The following ALAD variants were observed in gnomAD, a reference collection of about 807,000 sequenced individuals.
ALAD encodes the protein aminolevulinate dehydratase, also known as delta-aminolevulinic acid dehydratase.
ALAD carries 20 observed loss-of-function variants against 44.4 expected under a neutral mutation model. The observed-to-expected ratio is 0.45, with a 90% confidence interval of 0.32 to 0.65. ALAD has a LOEUF of 0.65. ALAD is among the 30% of genes least tolerant of loss of function. ALAD has a pLI of 0.05. For missense variants in ALAD, 323 were observed against 445.7 expected (o/e 0.72, Z 2.48); for synonymous variants, 156 against 167.9 (o/e 0.93, Z 0.55).
In ALAD at chr9:113,393,509, C is replaced by G. The variant is rs2118998994; in HGVS notation, c.51G>C (p.Arg17=). Residue 17 remains arginine, a synonymous_variant, in exon 2 of 12, where the codon CGG becomes CGC. Transcript: ENST00000409155. The part of the protein sequence containing the change: ...LHSGYFHPLL[R]AWQTATTTLN... ...GGGTGGTGGTGGCTGTCTGCCAGGCCCGAAGTAGTGGGTGGAAGTAGCCGC... is the reference window on the plus strand; with the variant it reads ...GGGTGGTGGTGGCTGTCTGCCAGGCGCGAAGTAGTGGGTGGAAGTAGCCGC... The G allele has an allele frequency of 1.2e-6, 2 of 1,613,996 alleles. No homozygotes were observed. Among genetic ancestry groups the G allele is most frequent in the Non-Finnish European group, 1.7e-6 (2 of 1,180,030 alleles).
chr9:113,400,927 CCCG>C (rs1827837309), intron 1 of ALAD, among the ~76,000 whole-genome samples: 1 of 152,230 alleles, frequency 6.6e-6, no homozygotes, highest in Non-Finnish European at 1.5e-5. Flanking sequence ...CCAACCACCA[CCCG>C]CACCTCGGGT....
Position 113,386,609 on chromosome 9 carries a change from T to C in ALAD, c.*1691A>G, listed in dbSNP as rs1827402178. Reference sequence around the variant, plus strand: ...CATTGTTAGACCTATAATTTTGCTGTTGATTATTGGGAGGTGGTATGGCAC... The same window carrying C: ...CATTGTTAGACCTATAATTTTGCTGCTGATTATTGGGAGGTGGTATGGCAC... On this transcript the variant is annotated 3_prime_UTR_variant, in exon 12 of 12. Coordinates refer to ENST00000409155, the MANE Select transcript of ALAD (RefSeq NM_000031.6). 1 of 152,144 alleles carries C rather than the reference T, an allele frequency of 6.6e-6. No homozygotes were observed. The highest frequency in any genetic ancestry group is 1.5e-5 in the Non-Finnish European group (1 of 68,016). The allele number at this position is 152,144 out of a possible 1,614,324, so 9.4% of individuals were successfully genotyped here.
chr9:113,389,154 G>A (rs541607831), intron 10 of ALAD, 48 bp from the exon 11 acceptor site: 4 of 1,611,292 alleles, frequency 2.5e-6, no homozygotes, highest in Non-Finnish European at 3.4e-6. Context: ...GGGTGGATGT[G>A]GCTCTGGAAG....
Position 113,393,486 on chromosome 9 carries a change from G to A in ALAD, c.74C>T (p.Thr25Ile). 6.2e-7 allele frequency: 1 copy of A among 1,612,878 alleles called. No individual in the cohort carries two copies. The highest frequency in any genetic ancestry group is 8.5e-7 in the Non-Finnish European group (1 of 1,179,192). Residue 25 changes from threonine to isoleucine, a missense_variant, in exon 2 of 12, where the codon ACC (threonine) becomes ATC (isoleucine). Transcript: ENST00000409155. ...GTAGATGAGGTTGGAGGCATTGAGG[G>A]TGGTGGTGGCTGTCTGCCAGGCCCG... Reference protein sequence around the residue: ...LLRAWQTATTTLNASNLIYPI... With the variant: ...LLRAWQTATTILNASNLIYPI...
chr9:113,388,424 TG>T, intron 11 of ALAD, 63 bp from the exon 12 acceptor site: 3 of 1,518,398 alleles, frequency 2.0e-6, no homozygotes, highest in Non-Finnish European at 2.7e-6. Context: ...GCACACCTTC[TG>T]CGATGGGAAG....
chr9:113,389,512 G>T lies in ALAD; in HGVS notation c.727C>A (p.Arg243=). ...ACCATGAGCATGTCAGCTCCTTCCCGTACATCCCGGTCCTAAGGGATGAGG... is the reference window on the plus strand; with the variant it reads ...ACCATGAGCATGTCAGCTCCTTCCCTTACATCCCGGTCCTAAGGGATGAGG... ...LALRAVDRDV[R]EGADMLMVKP... The change falls in exon 10 of 12, where the codon CGG becomes AGG. Residue 243 remains arginine (R), a synonymous_variant. Coordinates refer to ENST00000409155, the MANE Select transcript of ALAD (RefSeq NM_000031.6). 1 of 1,614,142 alleles carries T rather than the reference G, an allele frequency of 6.2e-7. No homozygotes were observed.
rs1381019233 is a variant in ALAD, at chr9:113,393,428, C to T, written c.113+19G>A. On this transcript the variant is annotated intron_variant, in intron 2 of 11. Coordinates refer to ENST00000409155, the MANE Select transcript of ALAD (RefSeq NM_000031.6). ...CCCAACCAGCAGAGCAGAGGCCTGG[C>T]CCATTCTTGGAGACTCACGTGACAA... The T allele has an allele frequency of 1.2e-5, 16 of 1,388,070 alleles. No homozygotes were observed. The highest frequency in any genetic ancestry group is 1.6e-5 in the Non-Finnish European group (16 of 987,388). 86.0% of individuals were successfully genotyped at this position (1,388,070 alleles called of 1,614,324 possible).
intron 1 of ALAD, among the ~76,000 whole-genome samples, chr9:113,400,233 G>A (rs1026662515): frequency 6.6e-6 from 1 of 152,160 alleles, no homozygotes; most frequent in Non-Finnish European, 1.5e-5. Flanking sequence ...GTGGGTCAGC[G>A]GCAGATCTGG....
chr9:113,389,153 T>G (rs1827496037), intron 10 of ALAD, 47 bp from the exon 11 acceptor site: 1 of 1,612,152 alleles, frequency 6.2e-7, no homozygotes, highest in East Asian at 2.2e-5. Flanking sequence ...AGGGTGGATG[T>G]GGCTCTGGAA....
chr9:113,390,888 C>T lies in ALAD; in HGVS notation c.307G>A (p.Glu103Lys). 6.2e-7 allele frequency: 1 copy of T among 1,614,148 alleles called. No individual in the cohort carries two copies. Among genetic ancestry groups the T allele is most frequent in the Non-Finnish European group, 8.5e-7 (1 of 1,180,022 alleles). ...AADSEESPAIEAIHLLRKTFP... is the reference protein window; with the variant it reads ...AADSEESPAIKAIHLLRKTFP... The stretch of plus-strand genomic sequence containing the variant: ...GTCTTCCTCAACAGATGGATTGCCT[C>T]AATAGCTGGGGACTCCTCGGAGTCA... The change falls in exon 5 of 12, where the codon GAG becomes AAG. Residue 103 changes from glutamate (E) to lysine (K), a missense_variant. Glu to Lys is a moderately conservative substitution (Grantham distance 56). Transcript: ENST00000409155.
chr9:113,389,039 T>C lies in ALAD; in HGVS notation c.869A>G (p.Gln290Arg), dbSNP rs1827489724. The change falls in exon 11 of 12, where the codon CAG becomes CGG. Residue 290 changes from glutamine (Q) to arginine (R), a missense_variant. By Grantham distance (43) the Gln-to-Arg change is conservative. Transcript: ENST00000409155. ...GEFAMLWHGA[Q>R]AGAFDLKAAV... ...AGCCTTGAGATCAAATGCCCCGGCC[T>C]GGGCTCCATGCCACAGCATGGCAAA... 6.2e-7 allele frequency: 1 copy of C among 1,613,906 alleles called. No individual in the cohort carries two copies. Among genetic ancestry groups the C allele is most frequent in the Non-Finnish European group, 8.5e-7 (1 of 1,180,038 alleles).
At position 113,389,752 on chromosome 9, in the gene ALAD, C is replaced by A. The variant is rs759860695; in HGVS notation, c.626+21G>T. ...CAAAGGGCCAGGGATTCACAGCAGA[C>A]CCCTGCCCACCCCTGCTCACCGGAA... On this transcript the variant is annotated intron_variant, in intron 8 of 11. Coordinates refer to ENST00000409155, the MANE Select transcript of ALAD (RefSeq NM_000031.6). The A allele has an allele frequency of 1.9e-6, 3 of 1,614,232 alleles. No individual in the cohort carries two copies. The Admixed American group carries it at 5.0e-5, about 27-fold the overall frequency.
chr9:113,389,461 T>C lies in ALAD; in HGVS notation c.778A>G (p.Ile260Val), dbSNP rs139760703. The change falls in exon 10 of 12, where the codon ATC (isoleucine) becomes GTC (valine). Residue 260 changes from isoleucine to valine, a missense_variant. By Grantham distance (29) the Ile-to-Val change is conservative (BLOSUM62 3). Coordinates refer to ENST00000409155, the MANE Select transcript of ALAD (RefSeq NM_000031.6). Reference protein sequence around the residue: ...MVKPGMPYLDIVREVKDKHPD... With the variant: ...MVKPGMPYLDVVREVKDKHPD... ...ACCTTGTCCTTTACCTCCCGCACGA[T>C]GTCCAGGTAGGGCATTCCCGGCTTC... 13 of 1,613,884 alleles carry C rather than the reference T, an allele frequency of 8.1e-6. No individual in the cohort carries two copies. The highest frequency in any genetic ancestry group is 1.1e-5 in the Non-Finnish European group (13 of 1,180,040).
Position 113,388,244 on chromosome 9 carries a change from T to C in ALAD, c.*56A>G. The C allele has an allele frequency of 1.3e-6, 2 of 1,578,482 alleles. No individual in the cohort carries two copies. The highest frequency in any genetic ancestry group is 8.7e-7 in the Non-Finnish European group (1 of 1,147,610). ...CAGCATTTACTTTGGTTTTCACTTG[T>C]CTGAGGCCCCGGGAACGTTTTAAAG... On this transcript the variant is annotated 3_prime_UTR_variant, in exon 12 of 12. Coordinates refer to ENST00000409155, the MANE Select transcript of ALAD (RefSeq NM_000031.6).
rs367607896 is a variant in ALAD, at chr9:113,391,021, C to G, written c.262-88G>C. The G allele has an allele frequency of 2.6e-5, 40 of 1,523,844 alleles. No individual in the cohort carries two copies. The African/African-American group carries it at 4.4e-4, about 17-fold the overall frequency. 94.4% of individuals were successfully genotyped at this position (1,523,844 alleles called of 1,614,324 possible). ...CAGCCATCACAGAGCATAGCCCTGG[C>G]CTTCTCCTTCCTTCATCATCACAGC... On this transcript the variant is annotated intron_variant, in intron 4 of 11. Coordinates refer to ENST00000409155, the MANE Select transcript of ALAD (RefSeq NM_000031.6).
At chr9:113,394,957 A>G (rs1217425738) in intron 1 of ALAD, among the ~76,000 whole-genome samples, 1 of 152,134 alleles carries the variant, frequency 6.6e-6, no homozygotes, top group Non-Finnish European at 1.5e-5. Context: ...GGGGAGGCTG[A>G]GGCAGGAGAA....
At chr9:113,401,069 G>C (rs1307612687) in intron 1 of ALAD, 143 bp downstream of exon 1, 2 of 152,408 alleles carry the variant, frequency 1.3e-5, no homozygotes, top group Admixed American at 6.5e-5. Context: ...AACGCTCCAC[G>C]GGACTCCGTG....
In ALAD at chr9:113,389,594, C is replaced by T. The variant is rs527407905; in HGVS notation, c.714+5G>A. The T allele has an allele frequency of 1.9e-6, 3 of 1,614,172 alleles. No homozygotes were observed. Among genetic ancestry groups the T allele is most frequent in the East Asian group, 2.2e-5 (1 of 44,886 alleles). ...GAGGGTGGGGCTCAAGTCCTAGTCA[C>T]TCACCACAGCTCGGAGAGCCAGGCC... On this transcript the variant is annotated splice_donor_5th_base_variant and intron_variant, in intron 9 of 11. Transcript: ENST00000409155.
chr9:113,389,760 C>T lies in ALAD; in HGVS notation c.626+13G>A. 1 of 1,614,244 alleles carries T rather than the reference C, an allele frequency of 6.2e-7. No homozygotes were observed. Among genetic ancestry groups the T allele is most frequent in the Non-Finnish European group, 8.5e-7 (1 of 1,180,036 alleles). On this transcript the variant is annotated intron_variant, in intron 8 of 11. Coordinates refer to ENST00000409155, the MANE Select transcript of ALAD (RefSeq NM_000031.6). ...CAGGGATTCACAGCAGACCCCTGCC[C>T]ACCCCTGCTCACCGGAAAGGGCCAT...
Sources: gnomAD v4.1 joint callset for allele counts (sites outside exome capture counted in the v4.1 genomes callset) on GRCh38, gnomAD v4.1.1 for gene constraint, MANE v1.5 for transcripts, NCBI Gene and HGNC (gene_info 2026-07-23, HGNC 2026-07-21) for gene names.